Variants in HELQ observed in about 807,000 individuals in gnomAD.
HELQ encodes the protein helicase, POLQ like.
HELQ carries 77 observed loss-of-function variants against 111.6 expected under a neutral mutation model. The ratio of observed to expected loss-of-function variants is 0.69; its 90% confidence interval spans 0.57 to 0.83. HELQ has a LOEUF of 0.83. Among genes scored for constraint, HELQ ranks in the 40% least tolerant of loss-of-function variants. The pLI is 0.00. For missense variants in HELQ, 1,200 were observed against 1,288.5 expected, an observed-to-expected ratio of 0.93 and a Z score of 1.05; for synonymous variants, 438 against 454.7, an observed-to-expected ratio of 0.96 and a Z score of 0.47.
At chr4:83,446,367 C>T (rs1319444809) in intron 4 of HELQ, among the ~76,000 whole-genome samples, 3 of 152,086 alleles carry the variant, frequency 2.0e-5, no homozygotes, top group Admixed American at 1.3e-4. Context: ...AGTGCAATGG[C>T]GTGATCCTAG....
At chr4:83,447,184 T>C in intron 3 of HELQ, 149 bp from the exon 4 acceptor site, 4 of 577,346 alleles carry the variant, frequency 6.9e-6, no homozygotes, top group South Asian at 2.2e-5. Context: ...CTCATCTCTA[T>C]AAAAAATAAA....
At chr4:83,432,096 A>C (rs1398139737) in intron 10 of HELQ, 30 bp downstream of exon 10, 1 of 1,523,326 alleles carries the variant, frequency 6.6e-7, no homozygotes, top group Non-Finnish European at 8.8e-7. Context: ...AAAAAGACAA[A>C]AACAACCAAC....
chr4:83,446,192 AC>A (rs1190219033), intron 4 of HELQ, 106 bp from the exon 5 acceptor site: 5 of 746,724 alleles, frequency 6.7e-6, no homozygotes, highest in African/African-American at 1.8e-5. Flanking sequence ...GTTGCTTATA[AC>A]TTTTAAGTAT....
intron 9 of HELQ, among the ~76,000 whole-genome samples, chr4:83,434,379 C>T (rs1166939229): frequency 2.6e-5 from 4 of 151,370 alleles, no homozygotes; most frequent in East Asian, 1.9e-4. Flanking sequence ...CTCTGTCTCA[C>T]AAAAAAGAAA....
chr4:83,454,373 G>T (rs1278460600), intron 1 of HELQ, among the ~76,000 whole-genome samples: 4 of 152,088 alleles, frequency 2.6e-5, no homozygotes, highest in Admixed American at 2.6e-4. Context: ...TGCCTAAACA[G>T]CAGGTTCAGG....
At chr4:83,427,324 T>G (rs1432808527) in intron 13 of HELQ, among the ~76,000 whole-genome samples, 1 of 152,066 alleles carries the variant, frequency 6.6e-6, no homozygotes, top group Non-Finnish European at 1.5e-5. Context: ...CCAAATATAT[T>G]TTAATAGAGA....
At position 83,430,995 on chromosome 4, in the gene HELQ, C is replaced by A. The variant is rs146131672; in HGVS notation, c.2295+669G>T. Among the ~76,000 whole-genome samples the A allele has an allele frequency of 2.7e-3, 412 of 152,214 alleles. 3 individuals are homozygous for A. Among genetic ancestry groups the A allele is most frequent in the African/African-American group, 9.6e-3 (399 of 41,526 alleles). On this transcript the variant is annotated intron_variant, in intron 11 of 17. Transcript: ENST00000295488. ...ACATAGTAATTGAAACCCACTGGGCCAGCCTCTGCTTCTGGCTTCTCAAAT... is the reference window on the plus strand; with the variant it reads ...ACATAGTAATTGAAACCCACTGGGCAAGCCTCTGCTTCTGGCTTCTCAAAT...
At chr4:83,439,830 A>G in intron 8 of HELQ, 33 bp downstream of exon 8, 1 of 1,356,330 alleles carries the variant, frequency 7.4e-7, no homozygotes, top group Admixed American at 1.8e-5. Flanking sequence ...CCTAATAAAA[A>G]TAAAACAGGC....
At chr4:83,446,139 A>T in intron 4 of HELQ, 53 bp from the exon 5 acceptor site, 1 of 1,146,294 alleles carries the variant, frequency 8.7e-7, no homozygotes, top group South Asian at 1.3e-5. Flanking sequence ...TATAGTGCTC[A>T]TATAAAACAT....
chr4:83,420,709 C>T (rs1242035228), intron 15 of HELQ, among the ~76,000 whole-genome samples: 6 of 152,004 alleles, frequency 3.9e-5, no homozygotes, highest in Admixed American at 6.6e-5. Flanking sequence ...TGCATGAACT[C>T]GGGAGGCGGG....
At chr4:83,411,721 C>T (rs1739113794) in intron 17 of HELQ, among the ~76,000 whole-genome samples, 1 of 151,894 alleles carries the variant, frequency 6.6e-6, no homozygotes, top group South Asian at 2.1e-4. Flanking sequence ...TAGCTGATTG[C>T]AGCCTTCATC....
intron 9 of HELQ, among the ~76,000 whole-genome samples, chr4:83,436,159 T>C (rs1720446398): frequency 6.6e-6 from 1 of 152,108 alleles, no homozygotes; most frequent in Non-Finnish European, 1.5e-5. Flanking sequence ...AACTGATAAC[T>C]ACATAATTAA....
At chr4:83,429,859 A>G in intron 11 of HELQ, 113 bp from the exon 12 acceptor site, 1 of 642,378 alleles carries the variant, frequency 1.6e-6, no homozygotes, top group East Asian at 2.8e-5. Flanking sequence ...TAAATAAAAA[A>G]TTAGTATTAA....
rs1386669413 is a variant in HELQ at position 83,425,885 on chromosome 4, T to A, written c.2775+109A>T. The A allele has an allele frequency of 6.8e-6, 4 of 592,018 alleles. No individual in the cohort carries two copies. The African/African-American group carries it at 7.4e-5, about 11-fold the overall frequency. The allele number at this position is 592,018 out of a possible 1,614,324, so 36.7% of individuals were successfully genotyped here. On this transcript the variant is annotated intron_variant, in intron 14 of 17. Transcript: ENST00000295488. ...TTATACTAATTTAAAGGAAAAAATG[T>A]AAACCAAAAAAGATCAATATAATGG... is the stretch of plus-strand genomic sequence containing the variant.
In HELQ at chr4:83,419,087, A is replaced by T. The variant is rs1439754461; in HGVS notation, c.2950-881T>A. ...CAAGCTTGTCCAACCTGTGGCCCAC[A>T]GGCCACATGCGGCCCAGGATGGCTT... On this transcript the variant is annotated intron_variant, in intron 15 of 17. Coordinates refer to ENST00000295488, the MANE Select transcript of HELQ (RefSeq NM_133636.5). Among the ~76,000 whole-genome samples, 1,282 of 152,234 alleles carry T rather than the reference A, an allele frequency of 8.4e-3. 20 individuals are homozygous for T. The highest frequency in any genetic ancestry group is 0.029 in the African/African-American group (1,217 of 41,508).
chr4:83,421,776 G>C lies in HELQ; in HGVS notation c.2776-40C>G, dbSNP rs765655592. 2.3e-5 allele frequency: 34 copies of C among 1,487,118 alleles called. No individual in the cohort carries two copies. The South Asian group carries it at 3.9e-4, about 17-fold the overall frequency. 92.1% of individuals were successfully genotyped at this position (1,487,118 alleles called of 1,614,324 possible). On this transcript the variant is annotated intron_variant, in intron 14 of 17. Transcript: ENST00000295488. Reference sequence around the variant, plus strand: ...TCAAATAAATTCGTTTACTAGACCTGCTAAAAATGTATGTTATTAAAATTG... The same window carrying C: ...TCAAATAAATTCGTTTACTAGACCTCCTAAAAATGTATGTTATTAAAATTG...
At chr4:83,416,953 C>T in intron 16 of HELQ, 88 bp from the exon 17 acceptor site, 3 of 1,114,330 alleles carry the variant, frequency 2.7e-6, no homozygotes, top group Non-Finnish European at 3.9e-6. Context: ...ACAAAAACTG[C>T]ATGTAAGAGA....
chr4:83,420,456 AC>A (rs147119910), intron 15 of HELQ, among the ~76,000 whole-genome samples: 2 of 151,002 alleles, frequency 1.3e-5, no homozygotes, highest in Non-Finnish European at 2.9e-5. Context: ...TCATAGTGAG[AC>A]CCCCCACCCC....
intron 9 of HELQ, among the ~76,000 whole-genome samples, chr4:83,436,166 T>C (rs1407973211): frequency 1.3e-5 from 2 of 152,092 alleles, no homozygotes; most frequent in Admixed American, 6.5e-5. Flanking sequence ...AACTACATAA[T>C]TAAAGTGGGA....
Sources: allele counts gnomAD v4.1 joint callset (sites outside exome capture counted in the v4.1 genomes callset), GRCh38; gene constraint gnomAD v4.1.1; transcripts MANE v1.5; gene names NCBI Gene and HGNC (gene_info 2026-07-23, HGNC 2026-07-21).